Variants in SLC25A10 observed in about 807,000 individuals in gnomAD.
The protein encoded by SLC25A10 is mitochondrial dicarboxylate carrier.
A neutral mutation model predicts 40.4 loss-of-function variants in SLC25A10; 32 were observed. The observed-to-expected ratio is 0.79, with a 90% CI of 0.60 to 1.06. SLC25A10 has a LOEUF of 1.06. Among genes scored for constraint, SLC25A10 ranks in the 50% least tolerant of loss-of-function variants. SLC25A10 has a pLI of 0.00. For synonymous variants in SLC25A10, 181 were observed against 171.1 expected, an observed-to-expected ratio of 1.06 and a Z score of -0.45; for missense variants, 394 against 402.6, an observed-to-expected ratio of 0.98 and a Z score of 0.18.
chr17:81,718,858 A>C (rs2037537323), intron 9 of SLC25A10, among the ~76,000 whole-genome samples: 1 of 149,882 alleles, frequency 6.7e-6, no homozygotes, highest in Non-Finnish European at 1.5e-5. Context: ...CTGAGGCAGG[A>C]GAATTGCTTG....
chr17:81,713,816 GCT>G (rs1213027184), intron 1 of SLC25A10, among the ~76,000 whole-genome samples: 1 of 152,188 alleles, frequency 6.6e-6, no homozygotes, highest in Non-Finnish European at 1.5e-5. Flanking sequence ...CCAACCAGGC[GCT>G]CTCTGGCTGC....
intron 1 of SLC25A10, among the ~76,000 whole-genome samples, chr17:81,713,037 G>T (rs2037413766): frequency 6.6e-6 from 1 of 152,184 alleles, no homozygotes; most frequent in African/African-American, 2.4e-5. Flanking sequence ...GTGACCCGAT[G>T]CCCCGGCTTT....
In SLC25A10 at chr17:81,720,265, C is replaced by T; in HGVS notation, c.*188C>T. 1 of 1,442,572 alleles carries T rather than the reference C, an allele frequency of 6.9e-7. No homozygotes were observed. Among genetic ancestry groups the T allele is most frequent in the East Asian group, 2.5e-5 (1 of 40,216 alleles). The allele number at this position is 1,442,572 out of a possible 1,614,324, so 89.4% of individuals were successfully genotyped here. A position where few individuals can be genotyped will look rare whatever the true frequency, so the allele number is the denominator to read the frequency against. On this transcript the variant is annotated 3_prime_UTR_variant, in exon 11 of 11. Coordinates refer to ENST00000350690, the MANE Select transcript of SLC25A10 (RefSeq NM_012140.5). Reference sequence around the variant, plus strand: ...TGGCCTCGTCCCCTCTCAGCTGTAGCTGCACCACCCCCGCTCTGGCTACCA... The same window carrying T: ...TGGCCTCGTCCCCTCTCAGCTGTAGTTGCACCACCCCCGCTCTGGCTACCA...
At chr17:81,713,027 G>T (rs924991069) in intron 1 of SLC25A10, among the ~76,000 whole-genome samples, 2 of 152,160 alleles carry the variant, frequency 1.3e-5, no homozygotes, top group African/African-American at 2.4e-5. Context: ...GGCAAGTGGG[G>T]TGACCCGATG....
At position 81,712,365 on chromosome 17, in the gene SLC25A10, T is replaced by G. The variant is rs961524796; in HGVS notation, c.-62T>G. 1.8e-6 allele frequency: 2 copies of G among 1,095,916 alleles called. No individual in the cohort carries two copies. Among genetic ancestry groups the G allele is most frequent in the East Asian group, 7.0e-5 (2 of 28,756 alleles). 67.9% of individuals were successfully genotyped at this position (1,095,916 alleles called of 1,614,324 possible). On this transcript the variant is annotated 5_prime_UTR_variant, in exon 1 of 11. Transcript: ENST00000350690. ...GCGGGGCGCGGGGCGCTGCGGCCGG[T>G]ACACGCCGGGGTAGGGCCGGGGTCG...
rs888786824 is a variant in SLC25A10 at position 81,712,319 on chromosome 17, G to A, written c.-108G>A. 9 of 734,998 alleles carry A rather than the reference G, an allele frequency of 1.2e-5. No individual in the cohort carries two copies. The highest frequency in any genetic ancestry group is 1.3e-4 in the South Asian group (2 of 15,556). 45.5% of individuals were successfully genotyped at this position (734,998 alleles called of 1,614,324 possible). A position where few individuals can be genotyped will look rare whatever the true frequency, so the allele number is the denominator to read the frequency against. ...TGCGGGGTGCGGGCGCGCGGGCGGC[G>A]CTTTGAACCGGGCGCGGGGCGCGGG... On this transcript the variant is annotated 5_prime_UTR_variant, in exon 1 of 11. Coordinates refer to ENST00000350690, the MANE Select transcript of SLC25A10 (RefSeq NM_012140.5).
intron 9 of SLC25A10, 55 bp downstream of exon 9, chr17:81,717,916 C>A: frequency 7.2e-7 from 1 of 1,391,502 alleles, no homozygotes; most frequent in Admixed American, 1.9e-5. Flanking sequence ...AGTCCCCTCA[C>A]CTCTCCGGGG....
Position 81,715,589 on chromosome 17 carries a change from A to G in SLC25A10, c.325A>G (p.Ser109Gly). 5 of 1,611,222 alleles carry G rather than the reference A, an allele frequency of 3.1e-6. No homozygotes were observed. Among genetic ancestry groups the G allele is most frequent in the Middle Eastern group, 3.3e-4 (2 of 6,062 alleles). Residue 109 changes from serine (S) to glycine (G), a missense_variant, in exon 3 of 11, where the codon AGC becomes GGC. By Grantham distance (56) the Ser-to-Gly change is moderately conservative. Coordinates refer to ENST00000350690, the MANE Select transcript of SLC25A10 (RefSeq NM_012140.5). ...FHEKVLLGSV[S>G]GLAGGFVGTP... ...CGAGAAGGTGTTGCTGGGCTCCGTC[A>G]GCGGTGAGCTGCCGGGCGGGAGGGG...
intron 9 of SLC25A10, among the ~76,000 whole-genome samples, chr17:81,718,576 G>A (rs982418605): frequency 3.3e-5 from 5 of 151,984 alleles, no homozygotes; most frequent in Non-Finnish European, 5.9e-5. Context: ...AATCCCTTGA[G>A]CCCAGGATGT....
chr17:81,717,999 G>T, intron 9 of SLC25A10, 138 bp downstream of exon 9: 1 of 674,756 alleles, frequency 1.5e-6, no homozygotes, highest in Middle Eastern at 3.9e-4. Context: ...CACAGCACTT[G>T]CCTTGGGAGA....
rs765854891 is a variant in SLC25A10, at chr17:81,717,387, G to GT, written c.535-11dup. 5.6e-6 allele frequency: 9 copies of GT among 1,613,038 alleles called. No homozygotes were observed. The highest frequency in any genetic ancestry group is 6.8e-6 in the Non-Finnish European group (8 of 1,179,832). On this transcript the variant is annotated splice_polypyrimidine_tract_variant and intron_variant, in intron 7 of 10. Transcript: ENST00000350690. ...CCCCCCTACAGCCCTGACCGCCCTT[G>GT]TGCCCCTGCAGCTGTCCTGCTACGA...
Position 81,716,866 on chromosome 17 carries a change from G to T in SLC25A10, c.463+11G>T. The T allele has an allele frequency of 6.2e-7, 1 of 1,611,060 alleles. No individual in the cohort carries two copies. ...GCGTAGCTCGTGAAGGTGAGGGGCA[G>T]GTGCTGTGCACAGGCAGGGTTCTGG... On this transcript the variant is annotated intron_variant, in intron 6 of 10. Transcript: ENST00000350690.
chr17:81,713,617 A>G (rs2037424719), intron 1 of SLC25A10: 1 of 383,090 alleles, frequency 2.6e-6, no homozygotes, highest in African/African-American at 2.2e-5. Context: ...AGCCACAGCG[A>G]CAGGAAGGCG....
chr17:81,714,143 A>T (rs1225307030), intron 1 of SLC25A10, among the ~76,000 whole-genome samples: 1 of 152,114 alleles, frequency 6.6e-6, no homozygotes, highest in Non-Finnish European at 1.5e-5. Context: ...GGCGTGCGTT[A>T]CGGGGCCGCG....
At chr17:81,718,948 TAAAA>T (rs1213316155) in intron 9 of SLC25A10, among the ~76,000 whole-genome samples, 3 of 150,880 alleles carry the variant, frequency 2.0e-5, no homozygotes, top group Admixed American at 6.6e-5. Flanking sequence ...GACTCTGTCT[TAAAA>T]AAACAAAAAA....
In SLC25A10 at chr17:81,717,038, C is replaced by T; in HGVS notation, c.500C>T (p.Ala167Val). Residue 167 changes from alanine (A) to valine (V), a missense_variant, in exon 7 of 11, where the codon GCA (alanine) becomes GTA (valine). Coordinates refer to ENST00000350690, the MANE Select transcript of SLC25A10 (RefSeq NM_012140.5). ...LRRLFSGATMASSRGALVTVG... is the reference protein window; with the variant it reads ...LRRLFSGATMVSSRGALVTVG... The stretch of plus-strand genomic sequence containing the variant: ...AGACTGTTCTCGGGTGCAACCATGG[C>T]ATCCAGCCGAGGGGCCTTAGTCACT... The T allele has an allele frequency of 1.2e-6, 2 of 1,613,742 alleles. No homozygotes were observed. The highest frequency in any genetic ancestry group is 1.7e-6 in the Non-Finnish European group (2 of 1,179,948).
chr17:81,715,216 C>G, intron 2 of SLC25A10, 144 bp downstream of exon 2: 1 of 1,266,896 alleles, frequency 7.9e-7, no homozygotes, highest in Non-Finnish European at 1.1e-6. Context: ...GTGCGCCTCC[C>G]ATGGGCACCC....
chr17:81,716,410 C>T (rs538798289), intron 5 of SLC25A10, among the ~76,000 whole-genome samples: 31 of 152,316 alleles, frequency 2.0e-4, no homozygotes, highest in African/African-American at 5.5e-4. Context: ...CTGCCACGGC[C>T]TGGGGTCTTT....
At chr17:81,714,152 C>T (rs555427743) in intron 1 of SLC25A10, among the ~76,000 whole-genome samples, 3 of 152,326 alleles carry the variant, frequency 2.0e-5, no homozygotes, top group South Asian at 2.1e-4. Context: ...TACGGGGCCG[C>T]GCACGTGCAG....
Sources: gnomAD v4.1 joint callset for allele counts (sites outside exome capture counted in the v4.1 genomes callset) on GRCh38, gnomAD v4.1.1 for gene constraint, MANE v1.5 for transcripts, NCBI Gene and HGNC (gene_info 2026-07-23, HGNC 2026-07-21) for gene names.